Variants in PEAK1 observed in about 807,000 individuals in gnomAD.
PEAK1 encodes the protein inactive tyrosine-protein kinase PEAK1.
A neutral mutation model predicts 124.7 loss-of-function variants in PEAK1; 54 were observed. The observed-to-expected ratio is 0.43, with a 90% CI of 0.35 to 0.54. The LOEUF (loss-of-function observed/expected upper bound fraction) is 0.54. Among genes scored for constraint, PEAK1 ranks in the 20% least tolerant of loss-of-function variants. PEAK1 has a pLI of 0.01. For missense variants in PEAK1, 2,046 were observed against 2,134.5 expected (o/e 0.96, Z 0.82); for synonymous variants, 719 against 760.0 (o/e 0.95, Z 0.89).
chr15:77,149,892 G>A (rs2054454609), intron 8 of PEAK1, among the ~76,000 whole-genome samples: 1 of 152,030 alleles, frequency 6.6e-6, no homozygotes, highest in South Asian at 2.1e-4. Flanking sequence ...GGGACCACAG[G>A]TACATGCCTC....
Position 77,217,475 on chromosome 15 carries a change from C to T in PEAK1, c.-115+34892G>A, listed in dbSNP as rs527278506. On this transcript the variant is annotated intron_variant, in intron 6 of 9. Coordinates refer to ENST00000682557, the MANE Select transcript of PEAK1 (RefSeq NM_001385026.1). The stretch of plus-strand genomic sequence containing the variant: ...TAGCCAAAGCTTTAGCAGAAAAATG[C>T]TTGGGAAAGCTTCACCAGAGAGTCC... Among the ~76,000 whole-genome samples the T allele has an allele frequency of 1.0e-3, 154 of 152,250 alleles. 1 individual carries two copies. Among genetic ancestry groups the T allele is most frequent in the African/African-American group, 3.7e-3 (152 of 41,552 alleles).
At chr15:77,222,855 T>C (rs1161226182) in intron 6 of PEAK1, among the ~76,000 whole-genome samples, 1 of 152,016 alleles carries the variant, frequency 6.6e-6, no homozygotes, top group East Asian at 1.9e-4. Context: ...CAAACAGATT[T>C]AATCTTACAG....
chr15:77,383,921 G>A (rs1040988931), intron 1 of PEAK1, among the ~76,000 whole-genome samples: 2 of 152,108 alleles, frequency 1.3e-5, no homozygotes, highest in East Asian at 3.9e-4. Context: ...CAAACTACCC[G>A]TTCATGGAAA....
chr15:77,210,634 CTT>C (rs1326132679), intron 6 of PEAK1, among the ~76,000 whole-genome samples: 1 of 152,182 alleles, frequency 6.6e-6, no homozygotes, highest in African/African-American at 2.4e-5. Context: ...AATCCCAACA[CTT>C]TGGGAGGCAG....
intron 6 of PEAK1, among the ~76,000 whole-genome samples, chr15:77,220,856 T>A (rs1057081189): frequency 1.3e-5 from 2 of 152,026 alleles, no homozygotes; most frequent in African/African-American, 4.8e-5. Context: ...ATGGAGATGA[T>A]TACTTAGTTG....
chr15:77,290,886 T>C (rs1376752128), intron 2 of PEAK1, among the ~76,000 whole-genome samples: 3 of 152,136 alleles, frequency 2.0e-5, no homozygotes, highest in African/African-American at 7.2e-5. Flanking sequence ...GTCAGAAACA[T>C]AAGCAGCACA....
At chr15:77,411,599 C>T (rs2072416991) in intron 1 of PEAK1, among the ~76,000 whole-genome samples, 1 of 152,132 alleles carries the variant, frequency 6.6e-6, no homozygotes, top group South Asian at 2.1e-4. Flanking sequence ...TAATAAGCTT[C>T]ATTAGTACTT....
At chr15:77,268,552 TG>T (rs1567191669) in intron 5 of PEAK1, among the ~76,000 whole-genome samples, 2 of 151,954 alleles carry the variant, frequency 1.3e-5, no homozygotes, top group Non-Finnish European at 2.9e-5. Context: ...TTGGTGTTTC[TG>T]GGGAAGAAGA....
chr15:77,219,336 G>T (rs2059284169), intron 6 of PEAK1, among the ~76,000 whole-genome samples: 1 of 152,004 alleles, frequency 6.6e-6, no homozygotes, highest in Admixed American at 6.6e-5. Context: ...AAAAAGATAA[G>T]ATTTTTAAAG....
Position 77,389,892 on chromosome 15 carries a change from C to T in PEAK1, c.-665-24667G>A, listed in dbSNP as rs147910896. ...CTACATGGCATTTAGACTCACAATT[C>T]CAAGCAGAAATGGGATTAGTGTAGT... is the stretch of plus-strand genomic sequence containing the variant. On this transcript the variant is annotated intron_variant, in intron 1 of 9. Coordinates refer to ENST00000682557, the MANE Select transcript of PEAK1 (RefSeq NM_001385026.1). Among the ~76,000 whole-genome samples the T allele has an allele frequency of 2.4e-3, 366 of 152,222 alleles. 2 individuals are homozygous for T. Among genetic ancestry groups the T allele is most frequent in the African/African-American group, 8.2e-3 (339 of 41,528 alleles).
At chr15:77,263,867 T>G (rs1458150815) in intron 5 of PEAK1, among the ~76,000 whole-genome samples, 1 of 152,144 alleles carries the variant, frequency 6.6e-6, no homozygotes, top group Non-Finnish European at 1.5e-5. Context: ...AATAAAATAC[T>G]AGCAAACCGA....
intron 1 of PEAK1, chr15:77,418,715 T>C (rs2142211800): frequency 2.0e-6 from 2 of 985,436 alleles, no homozygotes; most frequent in Middle Eastern, 5.2e-4. Context: ...TATCCAAGAT[T>C]GCTCATGGAA....
chr15:77,237,811 CTCT>C (rs1308703404), intron 6 of PEAK1, among the ~76,000 whole-genome samples: 4 of 151,972 alleles, frequency 2.6e-5, no homozygotes, highest in African/African-American at 9.7e-5. Flanking sequence ...AATGAAATAT[CTCT>C]TCGTTTCTTT....
chr15:77,335,864 T>C (rs1176389557), intron 2 of PEAK1: 14 of 985,278 alleles, frequency 1.4e-5, no homozygotes, highest in African/African-American at 5.2e-5. Flanking sequence ...TCAAAGAGAC[T>C]TGACAACATG....
Position 77,370,797 on chromosome 15 carries a change from T to G in PEAK1, c.-665-5572A>C, listed in dbSNP as rs1385803642. ...CTGTAATCTCAACACTTTGGGAGGC[T>G]GAAGCAGGCGGATAATGAGGTCAGG... is the stretch of plus-strand genomic sequence containing the variant. On this transcript the variant is annotated intron_variant, in intron 1 of 9. Transcript: ENST00000682557. The G allele has an allele frequency of 3.2e-6, 3 of 925,472 alleles. No individual in the cohort carries two copies. In the African/African-American group the frequency reaches 5.4e-5, roughly 17 times the overall value. 57.3% of individuals were successfully genotyped at this position (925,472 alleles called of 1,614,324 possible).
intron 8 of PEAK1, among the ~76,000 whole-genome samples, chr15:77,153,283 G>A (rs1053935704): frequency 3.3e-5 from 5 of 152,210 alleles, no homozygotes; most frequent in African/African-American, 4.8e-5. Flanking sequence ...GTGTAGAGGT[G>A]TCTGTAGTAT....
rs139608706 is a variant in PEAK1 at position 77,269,620 on chromosome 15, A to C, written c.-275+14263T>G. ...CACTAGACAGGTAATCAAGACAAAAAGTCAACAAAGAAACAATGGGCTTAA... is the reference window on the plus strand; with the variant it reads ...CACTAGACAGGTAATCAAGACAAAACGTCAACAAAGAAACAATGGGCTTAA... On this transcript the variant is annotated intron_variant, in intron 5 of 9. Coordinates refer to ENST00000682557, the MANE Select transcript of PEAK1 (RefSeq NM_001385026.1). Among the ~76,000 whole-genome samples the C allele has an allele frequency of 5.2e-3, 789 of 152,288 alleles. 5 individuals carry two copies. Among genetic ancestry groups the C allele is most frequent in the African/African-American group, 0.016 (681 of 41,572 alleles).
At chr15:77,196,939 T>C (rs1295156823) in intron 6 of PEAK1, among the ~76,000 whole-genome samples, 1 of 151,848 alleles carries the variant, frequency 6.6e-6, no homozygotes, top group East Asian at 1.9e-4. Flanking sequence ...AGCCTCGACC[T>C]CCCCAGGGTC....
intron 8 of PEAK1, among the ~76,000 whole-genome samples, chr15:77,145,646 C>T (rs565713948): frequency 6.6e-6 from 1 of 152,252 alleles, no homozygotes; most frequent in East Asian, 1.9e-4. Flanking sequence ...TCATAGGTAG[C>T]TCACAGAATC....
Sources: gnomAD v4.1 joint callset for allele counts (sites outside exome capture counted in the v4.1 genomes callset) on GRCh38, gnomAD v4.1.1 for gene constraint, MANE v1.5 for transcripts, NCBI Gene and HGNC (gene_info 2026-07-23, HGNC 2026-07-21) for gene names.